Variants in WFDC12 observed in about 807,000 individuals in gnomAD.
WFDC12 encodes WAP four-disulfide core domain protein 12.
WFDC12 carries 4 observed loss-of-function variants against 7.3 expected under a neutral mutation model. That is an observed-to-expected ratio of 0.55 (90% confidence interval 0.27 to 1.25). WFDC12 has a LOEUF of 1.25. Ranked by LOEUF, WFDC12 falls within the 50% of genes most tolerant of loss-of-function variation. WFDC12 has a pLI of 0.12. For synonymous variants in WFDC12, 48 were observed against 49.5 expected, an observed-to-expected ratio of 0.97 and a Z score of 0.13; for missense variants, 156 against 134.4, an observed-to-expected ratio of 1.16 and a Z score of -0.80.
In WFDC12 at chr20:45,123,929, CAT is replaced by C. The variant is rs1325739478; in HGVS notation, c.251_252del (p.Asp84GlyfsTer9). 1.9e-6 allele frequency: 3 copies of C among 1,612,528 alleles called. No homozygotes were observed. Among genetic ancestry groups the C allele is most frequent in the Non-Finnish European group, 2.5e-6 (3 of 1,179,380 alleles). On this transcript the variant is annotated frameshift_variant, in exon 3 of 3. Transcript: ENST00000372785. LOFTEE classifies it low-confidence loss of function (END_TRUNC). ...TCAGGGTATGGCCTTGACACATCTT[CAT>C]CCTTGTTTCCTCCTTTGGACAATGG... Reference protein sequence around the residue: ...VKELEEGGNKDEDVSRPYPEP... With the variant: ...VKELEEGGNKXEDVSRPYPEP...
rs139497585 is a variant in WFDC12 at position 45,123,674 on chromosome 20, G to A, written c.*172C>T. 1.4e-4 allele frequency: 97 copies of A among 691,608 alleles called. 2 individuals are homozygous for A. The highest frequency in any genetic ancestry group is 6.7e-4 in the South Asian group (38 of 56,892). The allele number at this position is 691,608 out of a possible 1,614,324, so 42.8% of individuals were successfully genotyped here. On this transcript the variant is annotated 3_prime_UTR_variant, in exon 3 of 3. Transcript: ENST00000372785. ...GCACCAGGTAGAGAGGGAAAGTACC[G>A]TCCCTGGGGTCTGGACTTTTTGTGA...
chr20:45,124,129 A>C lies in WFDC12; in HGVS notation c.216T>G (p.Ile72Met). ...CYLHCGFKCV[I>M]PVKELEEGGN... Reference sequence around the variant, plus strand: ...TACCTTCTTCCAGTTCCTTCACAGGAATCACACACTTGAAGCCACAGTGCA... The same window carrying C: ...TACCTTCTTCCAGTTCCTTCACAGGCATCACACACTTGAAGCCACAGTGCA... Residue 72 changes from isoleucine (I) to methionine (M), a missense_variant, in exon 2 of 3, where the codon ATT (isoleucine) becomes ATG (methionine). Transcript: ENST00000372785. The C allele has an allele frequency of 6.2e-7, 1 of 1,614,172 alleles. No individual in the cohort carries two copies. The highest frequency in any genetic ancestry group is 1.1e-5 in the South Asian group (1 of 91,080).
intron 1 of WFDC12, 50 bp from the exon 2 acceptor site, chr20:45,124,315 C>T (rs746342694): frequency 1.2e-6 from 2 of 1,613,884 alleles, no homozygotes; most frequent in East Asian, 2.2e-5. Context: ...CCCAGAGGGC[C>T]CCTCAGGACC....
chr20:45,124,234 G>A lies in WFDC12; in HGVS notation c.111C>T (p.Asp37=). ...GIEKAGVCPA[D]NVRCFKSDPP... is the part of the protein sequence containing the mutation. ...GATCGGACTTGAAGCAGCGTACGTT[G>A]TCAGCTGGGCAAACCCCTGCTTTCT... Residue 37 remains aspartate (D), a synonymous_variant, in exon 2 of 3, where the codon GAC becomes GAT. Coordinates refer to ENST00000372785, the MANE Select transcript of WFDC12 (RefSeq NM_080869.2). 1 of 1,614,180 alleles carries A rather than the reference G, an allele frequency of 6.2e-7. No homozygotes were observed. Among genetic ancestry groups the A allele is most frequent in the Non-Finnish European group, 8.5e-7 (1 of 1,180,040 alleles).
In WFDC12 at chr20:45,124,423, G is replaced by A; in HGVS notation, c.25C>T (p.Leu9Phe). 6.2e-7 allele frequency: 1 copy of A among 1,614,192 alleles called. No individual in the cohort carries two copies. Among genetic ancestry groups the A allele is most frequent in the Non-Finnish European group, 8.5e-7 (1 of 1,180,032 alleles). Residue 9 changes from leucine (L) to phenylalanine (F), a missense_variant, in exon 1 of 3, where the codon CTC becomes TTC. Leu to Phe is a conservative substitution (Grantham distance 22). Coordinates refer to ENST00000372785, the MANE Select transcript of WFDC12 (RefSeq NM_080869.2). The part of the protein sequence containing the change: MGSSSFLV[L>F]MVSLVLVTLV... ...GTCACAAGAACGAGAGACACCATGA[G>A]GACCAAGAAGCTGCTGGACCCCATG...
chr20:45,124,034 T>C, intron 2 of WFDC12, 73 bp downstream of exon 2: 1 of 1,607,574 alleles, frequency 6.2e-7, no homozygotes, highest in South Asian at 1.1e-5. Context: ...AGGGACTAAT[T>C]CCTCCGAACT....
rs1436058993 is a variant in WFDC12, at chr20:45,123,932, C to T, written c.250G>A (p.Asp84Asn). ...GGGTATGGCCTTGACACATCTTCAT[C>T]CTTGTTTCCTCCTTTGGACAATGGA... ...VKELEEGGNK[D>N]EDVSRPYPEP... is the part of the protein sequence containing the mutation. Residue 84 changes from aspartate (D) to asparagine (N), a missense_variant, in exon 3 of 3, where the codon GAT (aspartate) becomes AAT (asparagine). Transcript: ENST00000372785. The T allele has an allele frequency of 3.1e-6, 5 of 1,612,002 alleles. No individual in the cohort carries two copies. Among genetic ancestry groups the T allele is most frequent in the African/African-American group, 1.3e-5 (1 of 74,838 alleles).
chr20:45,123,970 A>G, intron 2 of WFDC12, 27 bp from the exon 3 acceptor site: 1 of 1,599,976 alleles, frequency 6.3e-7, no homozygotes, highest in Non-Finnish European at 8.5e-7. Context: ...TGTTCAGACT[A>G]GGTGGTCTCT....
In WFDC12 at chr20:45,123,859, C is replaced by T. The variant is rs1981923545; in HGVS notation, c.323G>A (p.Cys108Tyr). The T allele has an allele frequency of 1.9e-6, 3 of 1,613,032 alleles. No homozygotes were observed. The highest frequency in any genetic ancestry group is 2.5e-6 in the Non-Finnish European group (3 of 1,180,040). ...AKCPGSSSTRCPQK is the reference protein window; with the variant it reads ...AKCPGSSSTRYPQK Reference sequence around the variant, plus strand: ...AAGGACCCAGCATCATTTCTGAGGACACCTGGTAGAGGAGGAGCCTGGACA... The same window carrying T: ...AAGGACCCAGCATCATTTCTGAGGATACCTGGTAGAGGAGGAGCCTGGACA... The change falls in exon 3 of 3, where the codon TGT becomes TAT. Residue 108 changes from cysteine to tyrosine, a missense_variant. Coordinates refer to ENST00000372785, the MANE Select transcript of WFDC12 (RefSeq NM_080869.2).
Position 45,123,732 on chromosome 20 carries a change from G to C in WFDC12, c.*114C>G. ...CTCTTTTTGGGGAAAAGGACTTCAAGCTCAGGTTTTCTTTGGTGGGGTTGG... is the reference window on the plus strand; with the variant it reads ...CTCTTTTTGGGGAAAAGGACTTCAACCTCAGGTTTTCTTTGGTGGGGTTGG... On this transcript the variant is annotated 3_prime_UTR_variant, in exon 3 of 3. Transcript: ENST00000372785. 8.9e-7 allele frequency: 1 copy of C among 1,126,644 alleles called. No individual in the cohort carries two copies. Among genetic ancestry groups the C allele is most frequent in the Non-Finnish European group, 1.3e-6 (1 of 765,060 alleles). The allele number at this position is 1,126,644 out of a possible 1,614,324, so 69.8% of individuals were successfully genotyped here.
intron 2 of WFDC12, 48 bp from the exon 3 acceptor site, chr20:45,123,991 C>T (rs778832598): frequency 7.5e-6 from 12 of 1,592,930 alleles, no homozygotes; most frequent in Middle Eastern, 1.7e-4. Flanking sequence ...GAGGGCCCTG[C>T]CAGCTTTAGC....
In WFDC12 at chr20:45,124,196, T is replaced by C. The variant is rs1223029871; in HGVS notation, c.149A>G (p.His50Arg). ...RCFKSDPPQCHTDQDCLGERK... is the reference protein window; with the variant it reads ...RCFKSDPPQCRTDQDCLGERK... ...TTCCCCCAGACAGTCCTGGTCTGTGTGACACTGGGGAGGATCGGACTTGAA... is the reference window on the plus strand; with the variant it reads ...TTCCCCCAGACAGTCCTGGTCTGTGCGACACTGGGGAGGATCGGACTTGAA... The change falls in exon 2 of 3, where the codon CAC becomes CGC. Residue 50 changes from histidine (H) to arginine (R), a missense_variant. Coordinates refer to ENST00000372785, the MANE Select transcript of WFDC12 (RefSeq NM_080869.2). 1 of 1,614,204 alleles carries C rather than the reference T, an allele frequency of 6.2e-7. No individual in the cohort carries two copies. Among genetic ancestry groups the C allele is most frequent in the African/African-American group, 1.3e-5 (1 of 75,038 alleles).
rs1981938409 is a variant in WFDC12, at chr20:45,124,353, C to A, written c.79+16G>T. 6.2e-7 allele frequency: 1 copy of A among 1,614,264 alleles called. No individual in the cohort carries two copies. The highest frequency in any genetic ancestry group is 2.2e-5 in the East Asian group (1 of 44,886). ...TCCCCAGCCCAGCCCCACCCAGCTC[C>A]ACCATGTCTGCTCACCCTCTTTAAC... On this transcript the variant is annotated intron_variant, in intron 1 of 2. Coordinates refer to ENST00000372785, the MANE Select transcript of WFDC12 (RefSeq NM_080869.2).
chr20:45,124,011 C>T, intron 2 of WFDC12, 68 bp from the exon 3 acceptor site: 1 of 1,597,716 alleles, frequency 6.3e-7, no homozygotes, highest in Non-Finnish European at 8.5e-7. Context: ...CCATCCCTCC[C>T]CACACCAGCT....
chr20:45,123,587 G>T lies in WFDC12; in HGVS notation c.*259C>A, dbSNP rs1462684709. 1 of 521,544 alleles carries T rather than the reference G, an allele frequency of 1.9e-6. No homozygotes were observed. The highest frequency in any genetic ancestry group is 1.9e-5 in the African/African-American group (1 of 52,264). The allele number at this position is 521,544 out of a possible 1,614,324, so 32.3% of individuals were successfully genotyped here. ...TGCAGAAGGGCAAGGCAGCTCTTTGGGGTCTCTTATAAGGGCACTGGTTTC... is the reference window on the plus strand; with the variant it reads ...TGCAGAAGGGCAAGGCAGCTCTTTGTGGTCTCTTATAAGGGCACTGGTTTC... On this transcript the variant is annotated 3_prime_UTR_variant, in exon 3 of 3. Transcript: ENST00000372785.
chr20:45,123,816 G>T lies in WFDC12; in HGVS notation c.*30C>A. ...CCTCAGGGGCAGGTGCCAAGTGAGA[G>T]TGACCCCCAGAGGTAGAAAGGACCC... On this transcript the variant is annotated 3_prime_UTR_variant, in exon 3 of 3. Coordinates refer to ENST00000372785, the MANE Select transcript of WFDC12 (RefSeq NM_080869.2). The T allele has an allele frequency of 6.2e-7, 1 of 1,608,448 alleles. No individual in the cohort carries two copies. Among genetic ancestry groups the T allele is most frequent in the South Asian group, 1.1e-5 (1 of 90,916 alleles).
rs1218412836 is a variant in WFDC12 at position 45,124,097 on chromosome 20, G to A, written c.238+10C>T. 5.6e-6 allele frequency: 9 copies of A among 1,613,752 alleles called. No homozygotes were observed. Among genetic ancestry groups the A allele is most frequent in the Non-Finnish European group, 7.6e-6 (9 of 1,179,936 alleles). On this transcript the variant is annotated intron_variant, in intron 2 of 2. Transcript: ENST00000372785. ...GGACAGCCCCAGCCCTGGGAGGCAG[G>A]TCTCCTTACCTTCTTCCAGTTCCTT... is the stretch of plus-strand genomic sequence containing the variant.
In WFDC12 at chr20:45,124,381, C is replaced by A. The variant is rs6073652; in HGVS notation, c.67G>T (p.Gly23Ter). Residue 23 changes from glycine to a stop codon, truncating the protein, a stop_gained, in exon 1 of 3, where the codon GGA becomes TGA. Transcript: ENST00000372785. LOFTEE classifies it high-confidence loss of function. Reference sequence around the variant, plus strand: ...CATGTCTGCTCACCCTCTTTAACTCCTTCCACAGCCACCAGGGTCACAAGA... The same window carrying A: ...CATGTCTGCTCACCCTCTTTAACTCATTCCACAGCCACCAGGGTCACAAGA... Reference protein sequence around the residue: ...LVLVTLVAVEGVKEGIEKAGV... With the variant: ...LVLVTLVAVE 3.7e-6 allele frequency: 6 copies of A among 1,614,234 alleles called. No homozygotes were observed. In the East Asian group the frequency reaches 1.3e-4, roughly 36 times the overall value.
rs1251602834 is a variant in WFDC12 at position 45,124,120 on chromosome 20, C to A, written c.225G>T (p.Lys75Asn). The A allele has an allele frequency of 1.2e-6, 2 of 1,614,182 alleles. No individual in the cohort carries two copies. The highest frequency in any genetic ancestry group is 4.5e-5 in the East Asian group (2 of 44,884). ...AGGTCTCCTTACCTTCTTCCAGTTC[C>A]TTCACAGGAATCACACACTTGAAGC... ...HCGFKCVIPV[K>N]ELEEGGNKDE... Residue 75 changes from lysine to asparagine, a missense_variant, in exon 2 of 3, where the codon AAG becomes AAT. By Grantham distance (94) the Lys-to-Asn change is moderately conservative (BLOSUM62 0). Transcript: ENST00000372785.
Sources: gnomAD v4.1 joint callset for allele counts on GRCh38, gnomAD v4.1.1 for gene constraint, MANE v1.5 for transcripts, NCBI Gene and HGNC (gene_info 2026-07-23, HGNC 2026-07-21) for gene names.